RAD1: variants seen among roughly 807,000 people sequenced by gnomAD.
The protein encoded by RAD1 is cell cycle checkpoint protein RAD1.
A neutral mutation model predicts 30.0 loss-of-function variants in RAD1; 21 were observed. That is an observed-to-expected ratio of 0.70 (90% CI 0.50 to 1.01). RAD1 has a LOEUF of 1.01. Ranked by LOEUF, RAD1 falls within the 50% of genes least tolerant of loss-of-function variation. The pLI, the probability that RAD1 is intolerant of heterozygous loss-of-function variation, is 0.00. For synonymous variants in RAD1, 109 were observed against 113.6 expected (o/e 0.96, Z 0.26); for missense variants, 329 against 329.0 (o/e 1.00, Z 0.00).
Position 34,911,769 on chromosome 5 carries a change from G to A in RAD1, c.351C>T (p.Tyr117=). 1 of 1,614,124 alleles carries A rather than the reference G, an allele frequency of 6.2e-7. No homozygotes were observed. The highest frequency in any genetic ancestry group is 8.5e-7 in the Non-Finnish European group (1 of 1,180,020). Residue 117 remains tyrosine, a synonymous_variant, in exon 4 of 6, where the codon TAC becomes TAT. Transcript: ENST00000382038. ...CTTCTTCCAGGAACAGCATCAAAGG[G>A]TAACCATAACCTTGGTAACACATTC... The part of the protein sequence containing the change: ...ALRMCYQGYG[Y]PLMLFLEEGG...
chr5:34,912,633 T>G (rs1379537715), intron 3 of RAD1, among the ~76,000 whole-genome samples: 2 of 152,186 alleles, frequency 1.3e-5, no homozygotes, highest in Non-Finnish European at 2.9e-5. Context: ...TCCTTAGTTT[T>G]ATACCCACAG....
intron 5 of RAD1, 121 bp downstream of exon 5, chr5:34,909,137 A>G (rs1763752214): frequency 2.2e-6 from 2 of 924,492 alleles, no homozygotes; most frequent in African/African-American, 3.4e-5. Context: ...GCACTCTACT[A>G]TTCATTTTTA....
intron 4 of RAD1, among the ~76,000 whole-genome samples, chr5:34,910,203 T>C (rs1280044390): frequency 2.0e-5 from 3 of 152,024 alleles, no homozygotes; most frequent in Non-Finnish European, 4.4e-5. Context: ...TACCACCAAA[T>C]TGTTTCCCAT....
chr5:34,911,531 A>G, intron 4 of RAD1, 23 bp downstream of exon 4: 13 of 1,611,890 alleles, frequency 8.1e-6, no homozygotes, highest in South Asian at 1.1e-5. Context: ...CACATTAACT[A>G]TAACTGCACT....
At chr5:34,909,097 G>T in intron 5 of RAD1, 149 bp from the exon 6 acceptor site, 2 of 949,508 alleles carry the variant, frequency 2.1e-6, no homozygotes, top group Non-Finnish European at 3.1e-6. Context: ...TTCATTCACT[G>T]TTAGAACCCT....
chr5:34,908,831 A>G lies in RAD1; in HGVS notation c.783T>C (p.Asp261=), dbSNP rs372896762. The G allele has an allele frequency of 2.5e-5, 41 of 1,613,162 alleles. No individual in the cohort carries two copies. The African/African-American group carries it at 4.0e-4, about 16-fold the overall frequency. The change falls in exon 6 of 6, where the codon GAT becomes GAC. Residue 261 remains aspartate (D), a synonymous_variant. Coordinates refer to ENST00000382038, the MANE Select transcript of RAD1 (RefSeq NM_002853.4). ...AATATTCCACAAAACATATTTGTCCATCTTCATTTCTAATCATATACTGTA... is the reference window on the plus strand; with the variant it reads ...AATATTCCACAAAACATATTTGTCCGTCTTCATTTCTAATCATATACTGTA... The part of the protein sequence containing the change: ...LSLQYMIRNE[D]GQICFVEYYC...
chr5:34,910,429 TTTC>T, intron 4 of RAD1, among the ~76,000 whole-genome samples: 1 of 150,644 alleles, frequency 6.6e-6, no homozygotes. Context: ...TTCTTTTTCT[TTTC>T]TTTTTTTTTT....
intron 1 of RAD1, 31 bp from the exon 2 acceptor site, chr5:34,914,992 A>C: frequency 7.6e-7 from 1 of 1,320,286 alleles, no homozygotes; most frequent in Non-Finnish European, 1.0e-6. Flanking sequence ...AACTCCCATC[A>C]GTGCTGGCGA....
rs758456406 is a variant in RAD1 at position 34,911,711 on chromosome 5, G to A, written c.409C>T (p.Gln137Ter). ...AAGTCCAGGGTCTCCTCAGGTTCCT[G>A]TGTATTGATTTTGCAGACTGTCACC... Reference protein sequence around the residue: ...GVVTVCKINTQEPEETLDFDF... With the variant: ...GVVTVCKINT The change falls in exon 4 of 6, where the codon CAG becomes TAG. Residue 137 changes from glutamine (Q) to a stop codon, truncating the protein, a stop_gained. Coordinates refer to ENST00000382038, the MANE Select transcript of RAD1 (RefSeq NM_002853.4). LOFTEE classifies it high-confidence loss of function. 4.3e-6 allele frequency: 7 copies of A among 1,614,016 alleles called. No homozygotes were observed. The highest frequency in any genetic ancestry group is 5.9e-6 in the Non-Finnish European group (7 of 1,180,026).
chr5:34,911,524 A>G (rs772711082), intron 4 of RAD1, 30 bp downstream of exon 4: 1 of 1,610,112 alleles, frequency 6.2e-7, no homozygotes, highest in Admixed American at 1.7e-5. Flanking sequence ...TACAGACCAC[A>G]TTAACTATAA....
At chr5:34,914,672 C>T (rs759062591) in intron 2 of RAD1, 23 bp downstream of exon 2, 43 of 1,612,652 alleles carry the variant, frequency 2.7e-5, no homozygotes, top group Non-Finnish European at 3.6e-5. Context: ...ATGGCACAGG[C>T]TTAAAGGCGC....
chr5:34,914,564 T>A, intron 2 of RAD1, 131 bp downstream of exon 2: 1 of 804,220 alleles, frequency 1.2e-6, no homozygotes, highest in Non-Finnish European at 1.9e-6. Context: ...ATTTATTTAT[T>A]AAGTTATTTA....
rs777127585 is a variant in RAD1 at position 34,908,830 on chromosome 5, C to T, written c.784G>A (p.Gly262Arg). Residue 262 changes from glycine to arginine, a missense_variant, in exon 6 of 6, where the codon GGA becomes AGA. By Grantham distance (125) the Gly-to-Arg change is moderately radical (BLOSUM62 -2). Coordinates refer to ENST00000382038, the MANE Select transcript of RAD1 (RefSeq NM_002853.4). ...SLQYMIRNEDGQICFVEYYCC... is the reference protein window; with the variant it reads ...SLQYMIRNEDRQICFVEYYCC... ...TAATATTCCACAAAACATATTTGTC[C>T]ATCTTCATTTCTAATCATATACTGT... The T allele has an allele frequency of 3.7e-6, 6 of 1,612,980 alleles. No individual in the cohort carries two copies. The South Asian group carries it at 5.5e-5, about 15-fold the overall frequency.
Position 34,911,535 on chromosome 5 carries a change from C to T in RAD1, c.566+19G>A, listed in dbSNP as rs922376709. 1 of 1,612,972 alleles carries T rather than the reference C, an allele frequency of 6.2e-7. No homozygotes were observed. Among genetic ancestry groups the T allele is most frequent in the Non-Finnish European group, 8.5e-7 (1 of 1,179,278 alleles). On this transcript the variant is annotated intron_variant, in intron 4 of 5. Coordinates refer to ENST00000382038, the MANE Select transcript of RAD1 (RefSeq NM_002853.4). ...GGAGTACAGACCACATTAACTATAA[C>T]TGCACTGCTCTCAAGTACCTGAAAT... is the stretch of plus-strand genomic sequence containing the variant.
Position 34,914,815 on chromosome 5 carries a change from A to G in RAD1, c.78T>C (p.Asn26=). 6.2e-7 allele frequency: 1 copy of G among 1,614,220 alleles called. No homozygotes were observed. Among genetic ancestry groups the G allele is most frequent in the Non-Finnish European group, 8.5e-7 (1 of 1,180,036 alleles). ...GAATAGCTTTCAAGATAGTGGAGAGATTCCTAACGTTGTCAAGGCTGGCCA... is the reference window on the plus strand; with the variant it reads ...GAATAGCTTTCAAGATAGTGGAGAGGTTCCTAACGTTGTCAAGGCTGGCCA... ...SLVASLDNVR[N]LSTILKAIHF... is the part of the protein sequence containing the mutation. The change falls in exon 2 of 6, where the codon AAT becomes AAC. Residue 26 remains asparagine (N), a synonymous_variant. Coordinates refer to ENST00000382038, the MANE Select transcript of RAD1 (RefSeq NM_002853.4).
rs1335620241 is a variant in RAD1 at position 34,911,585 on chromosome 5, T to C, written c.535A>G (p.Ile179Val). The change falls in exon 4 of 6, where the codon ATT (isoleucine) becomes GTT (valine). Residue 179 changes from isoleucine (I) to valine (V), a missense_variant. Transcript: ENST00000382038. ...TAAGGCTTGTCAGGAGACATGGTAA[T>C]TTGTAGGACTTCACTCGTCATATCC... The part of the protein sequence containing the change: ...ELDMTSEVLQ[I>V]TMSPDKPYFR... The C allele has an allele frequency of 1.2e-6, 2 of 1,614,166 alleles. No individual in the cohort carries two copies. Among genetic ancestry groups the C allele is most frequent in the East Asian group, 4.5e-5 (2 of 44,880 alleles).
Position 34,914,877 on chromosome 5 carries a change from G to A in RAD1, c.16C>T (p.Gln6Ter), listed in dbSNP as rs1763992911. 2.5e-6 allele frequency: 4 copies of A among 1,614,004 alleles called. No individual in the cohort carries two copies. Among genetic ancestry groups the A allele is most frequent in the Admixed American group, 1.7e-5 (1 of 60,002 alleles). MPLLT[Q>*]QIQDEDDQYS... is the part of the protein sequence containing the mutation. ...TGATCATCCTCGTCTTGGATCTGTT[G>A]GGTCAGAAGGGGCATCGTCCACTGC... Residue 6 changes from glutamine (Q) to a stop codon, truncating the protein, a stop_gained, in exon 2 of 6, where the codon CAA becomes TAA. Coordinates refer to ENST00000382038, the MANE Select transcript of RAD1 (RefSeq NM_002853.4). LOFTEE classifies it high-confidence loss of function.
chr5:34,914,687 T>G lies in RAD1; in HGVS notation c.198+8A>C. 6.2e-7 allele frequency: 1 copy of G among 1,614,138 alleles called. No homozygotes were observed. The highest frequency in any genetic ancestry group is 8.5e-7 in the Non-Finnish European group (1 of 1,179,950). ...ATGGCACAGGCTTAAAGGCGCCTACTTCCATACCTGAATAAAAGCATTTGC... is the reference window on the plus strand; with the variant it reads ...ATGGCACAGGCTTAAAGGCGCCTACGTCCATACCTGAATAAAAGCATTTGC... On this transcript the variant is annotated splice_region_variant and intron_variant, in intron 2 of 5. Coordinates refer to ENST00000382038, the MANE Select transcript of RAD1 (RefSeq NM_002853.4).
Position 34,914,735 on chromosome 5 carries a change from A to T in RAD1, c.158T>A (p.Val53Glu). The change falls in exon 2 of 6, where the codon GTG (valine) becomes GAG (glutamate). Residue 53 changes from valine to glutamate, a missense_variant. Physicochemically the swap from Val to Glu is moderately radical, Grantham distance 121. Coordinates refer to ENST00000382038, the MANE Select transcript of RAD1 (RefSeq NM_002853.4). The stretch of plus-strand genomic sequence containing the variant: ...TGCTTGCACACACTTTGCATTTTCC[A>T]CTGTTACTTTGATACCATTTTTAGT... ...FATKNGIKVTVENAKCVQANA... is the reference protein window; with the variant it reads ...FATKNGIKVTEENAKCVQANA... 1 of 1,614,236 alleles carries T rather than the reference A, an allele frequency of 6.2e-7. No homozygotes were observed. The highest frequency in any genetic ancestry group is 8.5e-7 in the Non-Finnish European group (1 of 1,180,036).
Sources: allele counts gnomAD v4.1 joint callset (sites outside exome capture counted in the v4.1 genomes callset), GRCh38; gene constraint gnomAD v4.1.1; transcripts MANE v1.5; gene names NCBI Gene and HGNC (gene_info 2026-07-23, HGNC 2026-07-21).